The following SLC39A11 variants were observed in gnomAD, a reference collection of about 807,000 sequenced individuals.
SLC39A11 encodes solute carrier family 39 member 11, also known as zinc transporter ZIP11.
Under a neutral mutation model 36.1 loss-of-function variants are expected in SLC39A11, and 33 were observed. The observed-to-expected ratio is 0.91, with a 90% CI of 0.69 to 1.22. The LOEUF (loss-of-function observed/expected upper bound fraction) is 1.22, where lower values mean the gene tolerates loss of function less well. Among genes scored for constraint, SLC39A11 ranks in the 50% most tolerant of loss-of-function variants. The pLI, the probability that SLC39A11 is intolerant of heterozygous loss-of-function variation, is 0.00. For missense variants in SLC39A11, 432 were observed against 430.3 expected (o/e 1.00, Z -0.03); for synonymous variants, 166 against 170.3 (o/e 0.97, Z 0.20).
chr17:72,993,115 G>C (rs2089287144), intron 4 of SLC39A11, among the ~76,000 whole-genome samples: 1 of 152,184 alleles, frequency 6.6e-6, no homozygotes, highest in Admixed American at 6.5e-5. Flanking sequence ...AATTGTGGGA[G>C]CCACAATTCA....
At chr17:73,046,720 TC>T (rs2059305886) in intron 3 of SLC39A11, among the ~76,000 whole-genome samples, 1 of 152,006 alleles carries the variant, frequency 6.6e-6, no homozygotes, top group Non-Finnish European at 1.5e-5. Flanking sequence ...AGTGGGCAGA[TC>T]CCTTGAGCCC....
chr17:72,764,020 C>T (rs937343716), intron 6 of SLC39A11, among the ~76,000 whole-genome samples: 1 of 152,178 alleles, frequency 6.6e-6, no homozygotes, highest in Middle Eastern at 3.4e-3. Flanking sequence ...CCGAATAAAG[C>T]TCGGTTTATC....
chr17:73,048,792 CT>C (rs1193252971), intron 3 of SLC39A11, among the ~76,000 whole-genome samples: 10 of 152,312 alleles, frequency 6.6e-5, no homozygotes, highest in African/African-American at 2.2e-4. Flanking sequence ...TATTATGTCT[CT>C]ATTCTTACTA....
intron 4 of SLC39A11, among the ~76,000 whole-genome samples, chr17:72,953,241 C>T (rs956047610): frequency 1.3e-5 from 2 of 151,558 alleles, no homozygotes; most frequent in Non-Finnish European, 1.5e-5. Context: ...ATCCCTGGCT[C>T]GGAATAAACA....
At chr17:73,054,016 C>A (rs1447548650) in intron 3 of SLC39A11, among the ~76,000 whole-genome samples, 3 of 152,152 alleles carry the variant, frequency 2.0e-5, no homozygotes. Flanking sequence ...AATCAGCACA[C>A]ATGGGGGGTC....
chr17:72,774,221 G>A (rs1473652267), intron 6 of SLC39A11, among the ~76,000 whole-genome samples: 1 of 152,188 alleles, frequency 6.6e-6, no homozygotes, highest in Admixed American at 6.5e-5. Flanking sequence ...AGGAAGGCAC[G>A]GAGCAGACAG....
intron 6 of SLC39A11, among the ~76,000 whole-genome samples, chr17:72,782,804 C>T (rs1447906815): frequency 6.6e-6 from 1 of 150,910 alleles, no homozygotes; most frequent in Non-Finnish European, 1.5e-5. Flanking sequence ...AGTTTGAGAC[C>T]AGCCTGGCGA....
At chr17:72,652,474 C>G (rs1473914291) in intron 7 of SLC39A11, among the ~76,000 whole-genome samples, 1 of 152,152 alleles carries the variant, frequency 6.6e-6, no homozygotes, top group Non-Finnish European at 1.5e-5. Flanking sequence ...ATATGATTAC[C>G]TGGGATGGTC....
At chr17:73,028,165 T>C (rs997032439) in intron 4 of SLC39A11, among the ~76,000 whole-genome samples, 6 of 152,174 alleles carry the variant, frequency 3.9e-5, no homozygotes, top group African/African-American at 1.4e-4. Flanking sequence ...GGGCTGAATT[T>C]ACCCACAAAA....
chr17:73,009,162 A>G (rs898342201), intron 4 of SLC39A11, among the ~76,000 whole-genome samples: 2 of 151,826 alleles, frequency 1.3e-5, no homozygotes, highest in African/African-American at 2.4e-5. Context: ...AGGAGATCGA[A>G]CCCATCCTGG....
intron 3 of SLC39A11, among the ~76,000 whole-genome samples, chr17:73,076,802 CTT>C (rs76799031): frequency 2.2e-4 from 30 of 139,374 alleles, no homozygotes; most frequent in Non-Finnish European, 2.0e-4. Context: ...TTCTTTTTTT[CTT>C]TTTTTTTTTT....
rs2082279646 is a variant in SLC39A11 at position 72,900,140 on chromosome 17, AAAAGAAAGAAAGAAAAGAAAG to A, written c.430+47591_430+47611del. Among the ~76,000 whole-genome samples the A allele has an allele frequency of 5.7e-4, 25 of 43,902 alleles. 5 individuals are homozygous for A. The highest frequency in any genetic ancestry group is 7.9e-4 in the Non-Finnish European group (19 of 23,974). The allele number at this position is 43,902 out of a possible 152,430, so 28.8% of individuals were successfully genotyped here. Reference sequence around the variant, plus strand: ...AAGAAAGAAAAGAAAGAAAGAAAGAAAAAGAAAGAAAGAAAAGAAAGAAAGAAAGAAAGAAAGAAAGAAAGA... The same window carrying A: ...AAGAAAGAAAAGAAAGAAAGAAAGAAAAAGAAAGAAAGAAAGAAAGAAAGA... On this transcript the variant is annotated intron_variant, in intron 5 of 9. Transcript: ENST00000255559.
intron 4 of SLC39A11, among the ~76,000 whole-genome samples, chr17:72,976,284 T>C (rs1320016709): frequency 6.6e-6 from 1 of 151,616 alleles, no homozygotes; most frequent in East Asian, 1.9e-4. Flanking sequence ...CTTGAAAGGA[T>C]CTTGAGGAAA....
At chr17:72,973,757 C>T (rs2087632777) in intron 4 of SLC39A11, among the ~76,000 whole-genome samples, 2 of 152,130 alleles carry the variant, frequency 1.3e-5, no homozygotes, top group African/African-American at 4.8e-5. Context: ...GATGGAGTTT[C>T]ACCATGTTGC....
chr17:72,740,069 T>C (rs1002202102), intron 6 of SLC39A11, among the ~76,000 whole-genome samples: 3 of 133,854 alleles, frequency 2.2e-5, no homozygotes, highest in African/African-American at 8.6e-5. Flanking sequence ...TTTTTTTTTT[T>C]TTTTTTTTTT....
At chr17:72,804,897 T>G (rs911232502) in intron 6 of SLC39A11, among the ~76,000 whole-genome samples, 2 of 152,044 alleles carry the variant, frequency 1.3e-5, no homozygotes, top group African/African-American at 4.8e-5. Context: ...GCGTGCACCT[T>G]TAATCCCATT....
intron 6 of SLC39A11, among the ~76,000 whole-genome samples, chr17:72,773,644 T>TACACACACACACACAC (rs550889404): frequency 3.8e-5 from 3 of 78,814 alleles, no homozygotes; most frequent in African/African-American, 2.1e-4. Context: ...GAGACCATCT[T>TACACACACACACACAC]ACACACACAC....
At chr17:72,937,370 G>A (rs1318231993) in intron 5 of SLC39A11, among the ~76,000 whole-genome samples, 2 of 152,148 alleles carry the variant, frequency 1.3e-5, no homozygotes, top group African/African-American at 2.4e-5. Flanking sequence ...CAGGAGAATC[G>A]CTTGAACCTG....
intron 5 of SLC39A11, among the ~76,000 whole-genome samples, chr17:72,903,632 C>T (rs2082505441): frequency 6.6e-6 from 1 of 152,154 alleles, no homozygotes; most frequent in African/African-American, 2.4e-5. Context: ...AGCCCATGAG[C>T]ACCAGGTCAT....
Sources: allele counts gnomAD v4.1 joint callset (sites outside exome capture counted in the v4.1 genomes callset), GRCh38; gene constraint gnomAD v4.1.1; transcripts MANE v1.5; gene names NCBI Gene and HGNC (gene_info 2026-07-23, HGNC 2026-07-21).